Variants in THRB observed in about 807,000 individuals in gnomAD.
THRB encodes nuclear receptor subfamily 1 group A member 2.
THRB carries 12 observed loss-of-function variants against 47.8 expected under a neutral mutation model. The observed-to-expected ratio is 0.25, with a 90% CI of 0.16 to 0.41. THRB has a LOEUF of 0.41. Ranked by LOEUF, THRB falls within the 10% of genes least tolerant of loss-of-function variation. The pLI, the probability that THRB is intolerant of heterozygous loss-of-function variation, is 1.00. For missense variants in THRB, 348 were observed against 589.2 expected (o/e 0.59, Z 4.24); for synonymous variants, 218 against 212.2 (o/e 1.03, Z -0.24).
rs145664885 is a variant in THRB, at chr3:24,123,375, T to C, written c.1145-250A>G. 1.7e-3 allele frequency among the ~76,000 whole-genome samples: 256 copies of C among 152,278 alleles called. 1 individual carries two copies. The highest frequency in any genetic ancestry group is 5.6e-3 in the African/African-American group (233 of 41,564). ...TTAGACAGTTTAGCTTGAGTGTGAATTACCTTCTTGAGTGTGAAAGGTGAT... is the reference window on the plus strand; with the variant it reads ...TTAGACAGTTTAGCTTGAGTGTGAACTACCTTCTTGAGTGTGAAAGGTGAT... On this transcript the variant is annotated intron_variant, in intron 10 of 10. Coordinates refer to ENST00000646209, the MANE Select transcript of THRB (RefSeq NM_001354712.2).
At chr3:24,268,399 A>T (rs2052888307) in intron 3 of THRB, among the ~76,000 whole-genome samples, 1 of 152,200 alleles carries the variant, frequency 6.6e-6, no homozygotes, top group African/African-American at 2.4e-5. Flanking sequence ...GAGATCCTTT[A>T]AAAAATTGCT....
At position 24,146,546 on chromosome 3, in the gene THRB, C is replaced by G. The variant is rs973877836; in HGVS notation, c.532+129G>C. On this transcript the variant is annotated intron_variant, in intron 7 of 10. Transcript: ENST00000646209. Reference sequence around the variant, plus strand: ...GGATGTGGGGAGTGAGGGGTGTATGCGAAAGTAAGGTATTCCCTTCTCTGT... The same window carrying G: ...GGATGTGGGGAGTGAGGGGTGTATGGGAAAGTAAGGTATTCCCTTCTCTGT... The G allele has an allele frequency of 1.6e-5, 16 of 1,009,732 alleles. No homozygotes were observed. The Admixed American group carries it at 2.8e-4, about 18-fold the overall frequency. The allele number at this position is 1,009,732 out of a possible 1,614,324, so 62.5% of individuals were successfully genotyped here.
At chr3:24,195,134 T>G (rs2043806875) in intron 4 of THRB, among the ~76,000 whole-genome samples, 1 of 152,250 alleles carries the variant, frequency 6.6e-6, no homozygotes, top group Non-Finnish European at 1.5e-5. Context: ...TTAGCCTTGC[T>G]GAATTCTCAG....
chr3:24,194,644 T>C (rs892153488), intron 4 of THRB, among the ~76,000 whole-genome samples: 3 of 152,176 alleles, frequency 2.0e-5, no homozygotes, highest in Admixed American at 1.3e-4. Context: ...ATGGCTTTGA[T>C]TGACACAACA....
At chr3:24,437,260 G>A (rs2071062252) in intron 1 of THRB, among the ~76,000 whole-genome samples, 1 of 151,612 alleles carries the variant, frequency 6.6e-6, no homozygotes, top group Admixed American at 6.6e-5. Context: ...GGAGGTCATT[G>A]CGTTAAGTGA....
intron 4 of THRB, among the ~76,000 whole-genome samples, chr3:24,208,731 A>C (rs1356020928): frequency 6.6e-6 from 1 of 152,248 alleles, no homozygotes; most frequent in East Asian, 1.9e-4. Flanking sequence ...TGTTAGACCT[A>C]AAACCATAAA....
chr3:24,326,131 G>A (rs935200783), intron 2 of THRB, among the ~76,000 whole-genome samples: 2 of 152,158 alleles, frequency 1.3e-5, no homozygotes, highest in African/African-American at 4.8e-5. Context: ...TTCATCTGTA[G>A]TTGCCAAAAT....
At chr3:24,128,889 T>TTTTTTTTTTTTTTTTTTTTTTTG (rs2033373342) in intron 9 of THRB, among the ~76,000 whole-genome samples, 1 of 146,298 alleles carries the variant, frequency 6.8e-6, no homozygotes. Context: ...TTTTTTTTTT[T>TTTTTTTTTTTTTTTTTTTTTTTG]ACCATGGATA....
intron 1 of THRB, among the ~76,000 whole-genome samples, chr3:24,464,722 G>T (rs1053759465): frequency 1.3e-5 from 2 of 151,918 alleles, no homozygotes; most frequent in African/African-American, 4.8e-5. Flanking sequence ...GATCTCTATT[G>T]AATTGATTAT....
chr3:24,310,023 C>T (rs992996356), intron 2 of THRB, among the ~76,000 whole-genome samples: 12 of 152,126 alleles, frequency 7.9e-5, no homozygotes, highest in African/African-American at 1.7e-4. Flanking sequence ...CTACTGAGTA[C>T]GGGGGCAGGC....
At chr3:24,160,202 C>CTG (rs2038585129) in intron 5 of THRB, among the ~76,000 whole-genome samples, 1 of 152,104 alleles carries the variant, frequency 6.6e-6, no homozygotes, top group East Asian at 1.9e-4. Flanking sequence ...GAGAGAGGAA[C>CTG]CCATGGGGAG....
intron 5 of THRB, among the ~76,000 whole-genome samples, chr3:24,166,373 C>A (rs1224474598): frequency 6.6e-6 from 1 of 152,174 alleles, no homozygotes; most frequent in Non-Finnish European, 1.5e-5. Context: ...ACTGTAAACA[C>A]TTACCACTTT....
intron 2 of THRB, among the ~76,000 whole-genome samples, chr3:24,299,772 TA>T (rs61128201): frequency 0.39 from 44,880 of 116,394 alleles, 13,926 homozygotes; most frequent in African/African-American, 0.47. Flanking sequence ...TATGCTTTTT[TA>T]TTTATTTATT....
chr3:24,147,877 A>G (rs546508776), intron 6 of THRB, among the ~76,000 whole-genome samples: 24 of 152,180 alleles, frequency 1.6e-4, no homozygotes, highest in African/African-American at 5.8e-4. Flanking sequence ...CATGGTAAGT[A>G]CATGTGGGAA....
chr3:24,451,058 A>G (rs2072600324), intron 1 of THRB, among the ~76,000 whole-genome samples: 1 of 152,156 alleles, frequency 6.6e-6, no homozygotes, highest in Admixed American at 6.5e-5. Context: ...AAAGTGACCC[A>G]CAGGCTCAAA....
At chr3:24,158,681 C>T (rs1248945792) in intron 5 of THRB, among the ~76,000 whole-genome samples, 5 of 152,210 alleles carry the variant, frequency 3.3e-5, no homozygotes, top group Non-Finnish European at 7.3e-5. Context: ...CTACCTGCCT[C>T]GGCCTCCCAA....
At chr3:24,436,371 A>G (rs565085916) in intron 1 of THRB, among the ~76,000 whole-genome samples, 20 of 152,316 alleles carry the variant, frequency 1.3e-4, no homozygotes, top group African/African-American at 4.6e-4. Context: ...CCCAGTTTAC[A>G]AACGCACAGC....
At chr3:24,236,261 A>T (rs1261731313) in intron 3 of THRB, among the ~76,000 whole-genome samples, 2 of 152,220 alleles carry the variant, frequency 1.3e-5, no homozygotes, top group Non-Finnish European at 2.9e-5. Context: ...GCGTCATTCC[A>T]GATGGCTTTG....
At chr3:24,312,405 C>T (rs992159619) in intron 2 of THRB, among the ~76,000 whole-genome samples, 2 of 152,134 alleles carry the variant, frequency 1.3e-5, no homozygotes, top group African/African-American at 4.8e-5. Context: ...ACTGTACTTC[C>T]TCATAGGTGG....
Sources: allele counts gnomAD v4.1 joint callset (sites outside exome capture counted in the v4.1 genomes callset), GRCh38; gene constraint gnomAD v4.1.1; transcripts MANE v1.5; gene names NCBI Gene and HGNC (gene_info 2026-07-23, HGNC 2026-07-21).